NHLH1: variants seen among roughly 807,000 people sequenced by gnomAD.
The protein encoded by NHLH1 is nescient helix-loop-helix 1, also known as helix-loop-helix protein 1.
Under a neutral mutation model 6.7 loss-of-function variants are expected in NHLH1, and 3 were observed. The ratio of observed to expected loss-of-function variants is 0.44; its 90% CI spans 0.20 to 1.15. NHLH1 has a LOEUF of 1.15. Among genes scored for constraint, NHLH1 ranks in the 50% most tolerant of loss-of-function variants. The probability of loss-of-function intolerance (pLI) is 0.26; values close to 1 mark genes in which losing one functional copy is unlikely to be tolerated. For synonymous variants in NHLH1, 92 were observed against 84.2 expected (o/e 1.09, Z -0.51); for missense variants, 177 against 189.5 (o/e 0.93, Z 0.39).
chr1:160,367,740 G>A (rs568971025), intron 1 of NHLH1, among the ~76,000 whole-genome samples: 2 of 152,116 alleles, frequency 1.3e-5, no homozygotes, highest in South Asian at 2.1e-4. Context: ...GGGAAGGAAG[G>A]GCATGGCAAA....
chr1:160,370,696 G>A lies in NHLH1; in HGVS notation c.-36G>A, dbSNP rs764808174. On this transcript the variant is annotated 5_prime_UTR_variant, in exon 2 of 2. Coordinates refer to ENST00000302101, the MANE Select transcript of NHLH1 (RefSeq NM_005598.4). The stretch of plus-strand genomic sequence containing the variant: ...AAGCTCCCAGAGGGAGGGGTGGGGA[G>A]GGGATCCTGATCTCACAGGGCAGGG... 2 of 1,604,838 alleles carry A rather than the reference G, an allele frequency of 1.2e-6. No individual in the cohort carries two copies. Among genetic ancestry groups the A allele is most frequent in the Non-Finnish European group, 1.7e-6 (2 of 1,175,426 alleles).
In NHLH1 at chr1:160,370,783, G is replaced by C. The variant is rs1272491438; in HGVS notation, c.52G>C (p.Glu18Gln). Residue 18 changes from glutamate to glutamine, a missense_variant, in exon 2 of 2, where the codon GAG becomes CAG. By Grantham distance (29) the Glu-to-Gln change is conservative (BLOSUM62 2). Coordinates refer to ENST00000302101, the MANE Select transcript of NHLH1 (RefSeq NM_005598.4). ...GCTGGACCTGCCGCCCACCCACTCAGAGACTGAGTCGGGCTTCAGTGACTG... is the reference window on the plus strand; with the variant it reads ...GCTGGACCTGCCGCCCACCCACTCACAGACTGAGTCGGGCTTCAGTGACTG... ...MELDLPPTHS[E>Q]TESGFSDCGG... 4 of 1,612,942 alleles carry C rather than the reference G, an allele frequency of 2.5e-6. No individual in the cohort carries two copies. Among genetic ancestry groups the C allele is most frequent in the Non-Finnish European group, 3.4e-6 (4 of 1,179,778 alleles).
intron 1 of NHLH1, among the ~76,000 whole-genome samples, chr1:160,369,767 C>G (rs2101920250): frequency 6.6e-6 from 1 of 152,210 alleles, no homozygotes; most frequent in South Asian, 2.1e-4. Context: ...GTCCTTTACC[C>G]ATTTTTTTCT....
chr1:160,371,900 A>C lies in NHLH1; in HGVS notation c.*767A>C, dbSNP rs910972533. 1 of 166,716 alleles carries C rather than the reference A, an allele frequency of 6.0e-6. No homozygotes were observed. Among genetic ancestry groups the C allele is most frequent in the Admixed American group, 6.5e-5 (1 of 15,274 alleles). The allele number at this position is 166,716 out of a possible 1,614,324, so 10.3% of individuals were successfully genotyped here. ...CTGTGTGTCACTAGAGAAAAAAAAA[A>C]ACAAAAACCTAGATTCCGGATTAGG... On this transcript the variant is annotated 3_prime_UTR_variant, in exon 2 of 2. Transcript: ENST00000302101.
At chr1:160,369,708 T>C (rs1163010937) in intron 1 of NHLH1, among the ~76,000 whole-genome samples, 1 of 152,232 alleles carries the variant, frequency 6.6e-6, no homozygotes, top group Non-Finnish European at 1.5e-5. Flanking sequence ...CATTTTTTCA[T>C]ATGCTTGTTG....
Position 160,369,984 on chromosome 1 carries a change from T to A in NHLH1, c.-175-573T>A, listed in dbSNP as rs74742094. On this transcript the variant is annotated intron_variant, in intron 1 of 1. Transcript: ENST00000302101. ...TGGGTTATTTGATTTTTTGCTGTTG[T>A]TGAGTTGTAGGATTTATTTATATGT... 2.1e-3 allele frequency among the ~76,000 whole-genome samples: 318 copies of A among 152,292 alleles called. 3 individuals carry two copies. In the East Asian group the frequency reaches 0.027, roughly 13 times the overall value.
Position 160,370,920 on chromosome 1 carries a change from C to G in NHLH1, c.189C>G (p.Arg63=). 1 of 1,607,666 alleles carries G rather than the reference C, an allele frequency of 6.2e-7. No homozygotes were observed. Residue 63 remains arginine (R), a synonymous_variant, in exon 2 of 2, where the codon CGC becomes CGG. Transcript: ENST00000302101. ...GGAAAGACCTGCAGCATCTGAGCCG[C>G]GAGGAGCGCCGGCGCCGGCGCCGCG... is the stretch of plus-strand genomic sequence containing the variant. ...PGRKDLQHLS[R]EERRRRRRAT...
Position 160,371,240 on chromosome 1 carries a change from C to T in NHLH1, c.*107C>T, listed in dbSNP as rs1395298369. The T allele has an allele frequency of 2.0e-6, 3 of 1,483,490 alleles. No individual in the cohort carries two copies. In the Admixed American group the frequency reaches 7.7e-5, roughly 38 times the overall value. The allele number at this position is 1,483,490 out of a possible 1,614,324, so 91.9% of individuals were successfully genotyped here. ...AGCCCTTATACCTTGGCATGGAGTC[C>T]CAAAGGCCCTGGGCACAGGCAGAGA... On this transcript the variant is annotated 3_prime_UTR_variant, in exon 2 of 2. Transcript: ENST00000302101.
intron 1 of NHLH1, among the ~76,000 whole-genome samples, chr1:160,368,199 T>C (rs770591442): frequency 2.0e-5 from 3 of 152,016 alleles, no homozygotes; most frequent in East Asian, 1.9e-4. Flanking sequence ...GAAGGGGAGA[T>C]AGTGATGGTG....
At chr1:160,368,281 T>C (rs1334327845) in intron 1 of NHLH1, among the ~76,000 whole-genome samples, 1 of 152,206 alleles carries the variant, frequency 6.6e-6, no homozygotes, top group Non-Finnish European at 1.5e-5. Flanking sequence ...TGTTCCCCTT[T>C]AACACTGCAC....
chr1:160,371,296 T>C lies in NHLH1; in HGVS notation c.*163T>C. ...CCGGCTGGTCATGAGGGCCTCTTCC[T>C]TTCTCTGACCCAGGCACCTCGAGGG... On this transcript the variant is annotated 3_prime_UTR_variant, in exon 2 of 2. Coordinates refer to ENST00000302101, the MANE Select transcript of NHLH1 (RefSeq NM_005598.4). 12 of 1,159,864 alleles carry C rather than the reference T, an allele frequency of 1.0e-5. 1 individual carries two copies. Among genetic ancestry groups the C allele is most frequent in the Admixed American group, 3.3e-5 (1 of 30,606 alleles). The allele number at this position is 1,159,864 out of a possible 1,614,324, so 71.8% of individuals were successfully genotyped here.
In NHLH1 at chr1:160,372,764, C is replaced by T. The variant is rs904839540; in HGVS notation, c.*1631C>T. On this transcript the variant is annotated 3_prime_UTR_variant, in exon 2 of 2. Transcript: ENST00000302101. ...AAGAGCAGGCCCCAGGGGTCTGTGT[C>T]ACATATCTCTGTGTGATTCCTTCTG... 12 of 166,552 alleles carry T rather than the reference C, an allele frequency of 7.2e-5. No homozygotes were observed. Among genetic ancestry groups the T allele is most frequent in the African/African-American group, 2.9e-4 (12 of 41,420 alleles). The allele number at this position is 166,552 out of a possible 1,614,324, so 10.3% of individuals were successfully genotyped here.
intron 1 of NHLH1, 133 bp downstream of exon 1, chr1:160,367,470 T>C (rs1260707469): frequency 6.5e-6 from 1 of 152,748 alleles, no homozygotes; most frequent in African/African-American, 2.4e-5. Flanking sequence ...GTGTCCCTCT[T>C]CTCCACTCCT....
rs60165033 is a variant in NHLH1 at position 160,372,529 on chromosome 1, G to A, written c.*1396G>A. The A allele has an allele frequency of 0.01, 1,729 of 167,000 alleles. 34 individuals are homozygous for A. The highest frequency in any genetic ancestry group is 0.039 in the African/African-American group (1,622 of 41,428). 10.3% of individuals were successfully genotyped at this position (167,000 alleles called of 1,614,324 possible). On this transcript the variant is annotated 3_prime_UTR_variant, in exon 2 of 2. Transcript: ENST00000302101. ...CTTCTTCAACTCCTGGTGTGTGTGA[G>A]CATGCCCTTTGCTTGCCACACCATA...
rs749276143 is a variant in NHLH1, at chr1:160,371,095, T to C, written c.364T>C (p.Cys122Arg). ...SKIEILRLAI[C>R]YISYLNHVLD... is the part of the protein sequence containing the mutation. ...GATTGAGATTCTGCGCCTGGCCATC[T>C]GCTATATCTCCTACCTGAACCACGT... is the stretch of plus-strand genomic sequence containing the variant. Residue 122 changes from cysteine (C) to arginine (R), a missense_variant, in exon 2 of 2, where the codon TGC (cysteine) becomes CGC (arginine). Coordinates refer to ENST00000302101, the MANE Select transcript of NHLH1 (RefSeq NM_005598.4). 6.2e-7 allele frequency: 1 copy of C among 1,613,726 alleles called. No homozygotes were observed. Among genetic ancestry groups the C allele is most frequent in the Non-Finnish European group, 8.5e-7 (1 of 1,179,798 alleles).
intron 1 of NHLH1, among the ~76,000 whole-genome samples, chr1:160,369,477 G>A (rs1649571748): frequency 6.6e-6 from 1 of 152,100 alleles, no homozygotes; most frequent in African/African-American, 2.4e-5. Flanking sequence ...GCATATGGTA[G>A]TTCTATTTTT....
At chr1:160,367,755 T>G (rs1436677911) in intron 1 of NHLH1, among the ~76,000 whole-genome samples, 1 of 152,028 alleles carries the variant, frequency 6.6e-6, no homozygotes, top group Non-Finnish European at 1.5e-5. Flanking sequence ...GGCAAAGTGA[T>G]GAGGGATGAA....
Position 160,371,183 on chromosome 1 carries a change from G to A in NHLH1, c.*50G>A. ...GGCCTCTCTGGGGCCCCTTTCCACC[G>A]CTCACTGCTTAGAAAGGCCGCATCC... is the stretch of plus-strand genomic sequence containing the variant. On this transcript the variant is annotated 3_prime_UTR_variant, in exon 2 of 2. Coordinates refer to ENST00000302101, the MANE Select transcript of NHLH1 (RefSeq NM_005598.4). 1.3e-6 allele frequency: 2 copies of A among 1,547,314 alleles called. No homozygotes were observed. Among genetic ancestry groups the A allele is most frequent in the Non-Finnish European group, 1.7e-6 (2 of 1,149,090 alleles).
In NHLH1 at chr1:160,367,178, G is replaced by C. The variant is rs560753587; in HGVS notation, c.-335G>C. 2.4e-4 allele frequency: 36 copies of C among 152,502 alleles called. No homozygotes were observed. The highest frequency in any genetic ancestry group is 4.8e-4 in the Non-Finnish European group (33 of 68,360). The allele number at this position is 152,502 out of a possible 1,614,324, so 9.4% of individuals were successfully genotyped here. On this transcript the variant is annotated 5_prime_UTR_variant, in exon 1 of 2. Coordinates refer to ENST00000302101, the MANE Select transcript of NHLH1 (RefSeq NM_005598.4). ...CCCACAATGTGTACCCCTCTTATCT[G>C]CCCTGGAGCCTGTACAGCCATGCCA...
Sources: gnomAD v4.1 joint callset for allele counts (sites outside exome capture counted in the v4.1 genomes callset) on GRCh38, gnomAD v4.1.1 for gene constraint, MANE v1.5 for transcripts, NCBI Gene and HGNC (gene_info 2026-07-23, HGNC 2026-07-21) for gene names.